Variants in TAOK1 observed in about 807,000 individuals in gnomAD.
The protein encoded by TAOK1 is TAO kinase 1, also known as serine/threonine-protein kinase TAO1.
In TAOK1, 21 loss-of-function variants were observed where a neutral mutation model predicts 138.3. The ratio of observed to expected loss-of-function variants is 0.15; its 90% confidence interval spans 0.11 to 0.22. TAOK1 has a LOEUF of 0.22. Among genes scored for constraint, TAOK1 ranks in the 10% least tolerant of loss-of-function variants. The pLI is 1.00. For synonymous variants in TAOK1, 361 were observed against 398.4 expected (o/e 0.91, Z 1.12); for missense variants, 651 against 1,227.7 (o/e 0.53, Z 7.02).
At chr17:29,459,400 G>A (rs2030477825) in intron 2 of TAOK1, among the ~76,000 whole-genome samples, 2 of 151,934 alleles carry the variant, frequency 1.3e-5, no homozygotes, top group South Asian at 4.1e-4. Flanking sequence ...TCCTATCTCA[G>A]CCTCCCGAGT....
At chr17:29,475,815 G>C in intron 4 of TAOK1, 44 bp downstream of exon 4, 1 of 1,465,764 alleles carries the variant, frequency 6.8e-7, no homozygotes, top group Non-Finnish European at 9.5e-7. Flanking sequence ...GCTGATTTTG[G>C]TTTATAATGA....
intron 2 of TAOK1, among the ~76,000 whole-genome samples, chr17:29,455,327 T>C (rs981089249): frequency 6.6e-6 from 1 of 150,798 alleles, no homozygotes; most frequent in African/African-American, 2.5e-5. Context: ...TATCTTCATC[T>C]TGTACCCTAC....
intron 1 of TAOK1, among the ~76,000 whole-genome samples, chr17:29,433,880 C>T (rs1308155533): frequency 4.0e-5 from 6 of 151,226 alleles, no homozygotes; most frequent in Admixed American, 3.9e-4. Context: ...TAACTGCTTC[C>T]TGCTGACAGG....
intron 1 of TAOK1, among the ~76,000 whole-genome samples, chr17:29,393,571 G>A (rs1236793605): frequency 6.6e-6 from 1 of 152,156 alleles, no homozygotes; most frequent in Non-Finnish European, 1.5e-5. Flanking sequence ...AGATTAGTAT[G>A]GCACTTCTTA....
At chr17:29,425,067 A>G (rs538663760) in intron 1 of TAOK1, among the ~76,000 whole-genome samples, 11 of 152,242 alleles carry the variant, frequency 7.2e-5, no homozygotes, top group East Asian at 1.9e-4. Context: ...ATTAGTAAAT[A>G]CTTATTGGTT....
At position 29,407,555 on chromosome 17, in the gene TAOK1, T is replaced by TC. The variant is rs1051651258; in HGVS notation, c.-95+16537dup. Among the ~76,000 whole-genome samples the TC allele has an allele frequency of 7.9e-5, 12 of 151,866 alleles. No homozygotes were observed. The Middle Eastern group carries it at 0.01, about 130-fold the overall frequency. On this transcript the variant is annotated intron_variant, in intron 1 of 19. Coordinates refer to ENST00000261716, the MANE Select transcript of TAOK1 (RefSeq NM_020791.4). ...TGACCTCCCCAAGTTCAGGTGATCC[T>TC]CCCCCCTCAGCCTCCCTAGTACCTG... is the stretch of plus-strand genomic sequence containing the variant.
intron 16 of TAOK1, among the ~76,000 whole-genome samples, chr17:29,521,740 G>T (rs1332801373): frequency 2.0e-5 from 3 of 152,124 alleles, no homozygotes; most frequent in Non-Finnish European, 2.9e-5. Context: ...CCGCCACAAC[G>T]CCTGGCTAAT....
chr17:29,471,517 TC>T (rs2030818499), intron 3 of TAOK1, among the ~76,000 whole-genome samples: 1 of 151,628 alleles, frequency 6.6e-6, no homozygotes, highest in African/African-American at 2.4e-5. Context: ...GACCTCGTGA[TC>T]CCCCCACCTC....
At chr17:29,407,603 C>T (rs1905029339) in intron 1 of TAOK1, among the ~76,000 whole-genome samples, 1 of 151,752 alleles carries the variant, frequency 6.6e-6, no homozygotes, top group African/African-American at 2.4e-5. Flanking sequence ...CCCACCATTA[C>T]ACCTGGCTAA....
chr17:29,508,182 C>T, intron 14 of TAOK1, 50 bp downstream of exon 14: 1 of 1,505,198 alleles, frequency 6.6e-7, no homozygotes, highest in Non-Finnish European at 9.2e-7. Context: ...TTGAATGTCT[C>T]AGAATTAACC....
At chr17:29,405,651 C>T (rs1029649241) in intron 1 of TAOK1, among the ~76,000 whole-genome samples, 65 of 151,802 alleles carry the variant, frequency 4.3e-4, no homozygotes, top group African/African-American at 1.2e-3. Flanking sequence ...TGGTGGCTCT[C>T]GCCTGTAATC....
intron 16 of TAOK1, among the ~76,000 whole-genome samples, chr17:29,521,720 C>CG (rs1424726776): frequency 1.1e-4 from 17 of 152,206 alleles, no homozygotes; most frequent in South Asian, 6.2e-4. Context: ...GTAGCTGGGA[C>CG]TACGGGCGCC....
At chr17:29,485,084 C>A (rs867576164) in intron 8 of TAOK1, among the ~76,000 whole-genome samples, 1 of 152,044 alleles carries the variant, frequency 6.6e-6, no homozygotes, top group South Asian at 2.1e-4. Flanking sequence ...ATGACTCTTG[C>A]TTTAGTGTCA....
In TAOK1 at chr17:29,546,169, T is replaced by C. The variant is rs2032400698; in HGVS notation, c.*3147T>C. The C allele has an allele frequency of 6.6e-6, 1 of 152,152 alleles. No individual in the cohort carries two copies. The highest frequency in any genetic ancestry group is 1.5e-5 in the Non-Finnish European group (1 of 67,986). The allele number at this position is 152,152 out of a possible 1,614,324, so 9.4% of individuals were successfully genotyped here. A position where few individuals can be genotyped will look rare whatever the true frequency, so the allele number is the denominator to read the frequency against. On this transcript the variant is annotated 3_prime_UTR_variant, in exon 20 of 20. Coordinates refer to ENST00000261716, the MANE Select transcript of TAOK1 (RefSeq NM_020791.4). ...ATTATATTTTCAGAGCTGCAATTCTTATTCGCCATTTCAATACCTAGAGAT... is the reference window on the plus strand; with the variant it reads ...ATTATATTTTCAGAGCTGCAATTCTCATTCGCCATTTCAATACCTAGAGAT...
rs1198769163 is a variant in TAOK1, at chr17:29,546,185, AC to A, written c.*3165del. The A allele has an allele frequency of 6.6e-6, 1 of 152,102 alleles. No individual in the cohort carries two copies. 9.4% of individuals were successfully genotyped at this position (152,102 alleles called of 1,614,324 possible). A position where few individuals can be genotyped will look rare whatever the true frequency, so the allele number is the denominator to read the frequency against. The stretch of plus-strand genomic sequence containing the variant: ...TGCAATTCTTATTCGCCATTTCAAT[AC>A]CTAGAGATAGAGAGTCTTGTATTTG... On this transcript the variant is annotated 3_prime_UTR_variant, in exon 20 of 20. Transcript: ENST00000261716.
chr17:29,422,193 G>A (rs985071970), intron 1 of TAOK1, among the ~76,000 whole-genome samples: 4 of 149,962 alleles, frequency 2.7e-5, no homozygotes, highest in East Asian at 2.0e-4. Context: ...CACCACGCCC[G>A]GCCTATCCTT....
At chr17:29,517,703 T>C (rs2031842909) in intron 16 of TAOK1, 47 bp downstream of exon 16, 5 of 1,543,654 alleles carry the variant, frequency 3.2e-6, no homozygotes, top group Non-Finnish European at 4.4e-6. Context: ...CAAAAGAATC[T>C]TTCCTGAAAA....
chr17:29,510,831 C>T (rs1460696411), intron 14 of TAOK1, 33 bp from the exon 15 acceptor site: 9 of 1,503,676 alleles, frequency 6.0e-6, no homozygotes, highest in Non-Finnish European at 8.0e-6. Context: ...ATCTACTTAA[C>T]TAAATTTGAT....
At chr17:29,409,333 A>ATATATATATATATT (rs1348702470) in intron 1 of TAOK1, among the ~76,000 whole-genome samples, 1 of 59,058 alleles carries the variant, frequency 1.7e-5, no homozygotes, top group African/African-American at 6.7e-5. Context: ...ATATATATAT[A>ATATATATATATATT]TTTTTTTTTT....
Sources: gnomAD v4.1 joint callset for allele counts (sites outside exome capture counted in the v4.1 genomes callset) on GRCh38, gnomAD v4.1.1 for gene constraint, MANE v1.5 for transcripts, NCBI Gene and HGNC (gene_info 2026-07-23, HGNC 2026-07-21) for gene names.